The following ZNF385B variants were observed in gnomAD, a reference collection of about 807,000 sequenced individuals.
The protein encoded by ZNF385B is zinc finger protein 385B.
A neutral mutation model predicts 39.2 loss-of-function variants in ZNF385B; 23 were observed. That is an observed-to-expected ratio of 0.59 (90% CI 0.42 to 0.83). The LOEUF is 0.83. Among genes scored for constraint, ZNF385B ranks in the 40% least tolerant of loss-of-function variants. The pLI is 0.00. For missense variants in ZNF385B, 552 were observed against 598.9 expected (o/e 0.92, Z 0.82); for synonymous variants, 205 against 222.6 (o/e 0.92, Z 0.70).
chr2:179,711,019 C>T lies in ZNF385B; in HGVS notation c.298+58484G>A, dbSNP rs73976341. On this transcript the variant is annotated intron_variant, in intron 3 of 9. Coordinates refer to ENST00000410066, the MANE Select transcript of ZNF385B (RefSeq NM_152520.6). ...TGGAAGCAAGTTAATGTTACCCCCA[C>T]TGTGGGGTAGGCTGTACATGATGGG... 1.9e-3 allele frequency among the ~76,000 whole-genome samples: 282 copies of T among 152,336 alleles called. 2 individuals are homozygous for T. The highest frequency in any genetic ancestry group is 6.6e-3 in the African/African-American group (275 of 41,570).
chr2:179,778,376 T>C (rs1328248459), intron 1 of ZNF385B, among the ~76,000 whole-genome samples: 1 of 152,108 alleles, frequency 6.6e-6, no homozygotes, highest in African/African-American at 2.4e-5. Context: ...CCATAAACAC[T>C]TTTCTAAGAG....
At chr2:179,848,285 ATT>A (rs1708902910) in intron 1 of ZNF385B, among the ~76,000 whole-genome samples, 1 of 152,144 alleles carries the variant, frequency 6.6e-6, no homozygotes, top group Non-Finnish European at 1.5e-5. Context: ...TAATAATCTA[ATT>A]TGGTGAGATA....
chr2:179,609,412 T>C (rs899075976), intron 3 of ZNF385B, among the ~76,000 whole-genome samples: 1 of 152,238 alleles, frequency 6.6e-6, no homozygotes, highest in Non-Finnish European at 1.5e-5. Context: ...CATTCTTTTC[T>C]ATGACTGATT....
At chr2:179,715,832 ATAAAG>A (rs1217402070) in intron 3 of ZNF385B, among the ~76,000 whole-genome samples, 1 of 152,160 alleles carries the variant, frequency 6.6e-6, no homozygotes, top group Non-Finnish European at 1.5e-5. Context: ...TTTACCCATC[ATAAAG>A]TAATGATAAA....
chr2:179,706,699 C>A (rs989515516), intron 3 of ZNF385B, among the ~76,000 whole-genome samples: 6 of 152,172 alleles, frequency 3.9e-5, no homozygotes, highest in Non-Finnish European at 8.8e-5. Flanking sequence ...GGGTCAGATG[C>A]CTGAGTAGTG....
intron 3 of ZNF385B, among the ~76,000 whole-genome samples, chr2:179,683,895 G>C (rs1559086051): frequency 1.3e-5 from 2 of 152,136 alleles, no homozygotes; most frequent in African/African-American, 2.4e-5. Context: ...TGAACAAACT[G>C]TGCTAAGGGC....
chr2:179,693,959 TCAGAG>T (rs1559097681), intron 3 of ZNF385B, among the ~76,000 whole-genome samples: 1 of 152,172 alleles, frequency 6.6e-6, no homozygotes, highest in Non-Finnish European at 1.5e-5. Flanking sequence ...TTTCTTACAA[TCAGAG>T]CAATGTCATC....
intron 5 of ZNF385B, among the ~76,000 whole-genome samples, chr2:179,490,075 T>C (rs1378097135): frequency 6.6e-6 from 1 of 152,212 alleles, no homozygotes; most frequent in African/African-American, 2.4e-5. Context: ...GTTGTACCTA[T>C]GACATTCTAT....
At chr2:179,859,029 C>T (rs1472698657) in intron 1 of ZNF385B, among the ~76,000 whole-genome samples, 2 of 151,614 alleles carry the variant, frequency 1.3e-5, no homozygotes, top group Non-Finnish European at 2.9e-5. Context: ...AGGCATTTCA[C>T]CTTTCAGAAT....
intron 3 of ZNF385B, among the ~76,000 whole-genome samples, chr2:179,623,849 T>C (rs1445385997): frequency 1.3e-5 from 2 of 152,204 alleles, no homozygotes; most frequent in Non-Finnish European, 2.9e-5. Context: ...GGCTAACAAC[T>C]AAACCTTCTG....
At chr2:179,625,592 CAGTT>C (rs1245214127) in intron 3 of ZNF385B, among the ~76,000 whole-genome samples, 1 of 151,912 alleles carries the variant, frequency 6.6e-6, no homozygotes, top group Non-Finnish European at 1.5e-5. Flanking sequence ...TAACAATAAT[CAGTT>C]AGTAAGTATA....
rs1345214980 is a variant in ZNF385B, at chr2:179,719,263, T to G, written c.298+50240A>C. On this transcript the variant is annotated intron_variant, in intron 3 of 9. Coordinates refer to ENST00000410066, the MANE Select transcript of ZNF385B (RefSeq NM_152520.6). ...ACCTATTTAAGATGACCATTCCTAT[T>G]GCATGAGCCGACCAAGCTGGAGAGG... Among the ~76,000 whole-genome samples, 6 of 152,284 alleles carry G rather than the reference T, an allele frequency of 3.9e-5. No homozygotes were observed. In the East Asian group the frequency reaches 1.2e-3, roughly 29 times the overall value.
intron 3 of ZNF385B, among the ~76,000 whole-genome samples, chr2:179,641,224 A>G (rs1265358642): frequency 6.6e-6 from 1 of 152,002 alleles, no homozygotes; most frequent in Non-Finnish European, 1.5e-5. Context: ...TATAGTCTTC[A>G]ATCATATTCC....
chr2:179,808,985 C>T (rs1182973772), intron 1 of ZNF385B, among the ~76,000 whole-genome samples: 5 of 152,164 alleles, frequency 3.3e-5, no homozygotes, highest in Non-Finnish European at 5.9e-5. Flanking sequence ...TCTTTAACTA[C>T]CATTTAATAG....
chr2:179,659,726 T>G (rs1348799896), intron 3 of ZNF385B, among the ~76,000 whole-genome samples: 1 of 152,104 alleles, frequency 6.6e-6, no homozygotes, highest in Admixed American at 6.5e-5. Context: ...CATATAGACG[T>G]CCAAAATATT....
chr2:179,809,170 C>T lies in ZNF385B; in HGVS notation c.-154-38498G>A, dbSNP rs114178421. ...CATGTATTAGTTTACTGGCCCCTTACTCTGTTCATTTATATTACACCATCT... is the reference window on the plus strand; with the variant it reads ...CATGTATTAGTTTACTGGCCCCTTATTCTGTTCATTTATATTACACCATCT... On this transcript the variant is annotated intron_variant, in intron 1 of 9. Transcript: ENST00000410066. Among the ~76,000 whole-genome samples the T allele has an allele frequency of 6.6e-3, 1,002 of 152,288 alleles. 12 individuals carry two copies. The highest frequency in any genetic ancestry group is 0.023 in the African/African-American group (960 of 41,574).
At chr2:179,769,878 T>C (rs993697765) in intron 2 of ZNF385B, 76 bp from the exon 3 acceptor site, 2 of 1,409,348 alleles carry the variant, frequency 1.4e-6, no homozygotes, top group East Asian at 2.3e-5. Flanking sequence ...AATTAATCTT[T>C]AAGGGTTTGT....
chr2:179,573,396 C>G (rs1685450844), intron 3 of ZNF385B, among the ~76,000 whole-genome samples: 2 of 151,684 alleles, frequency 1.3e-5, no homozygotes, highest in Non-Finnish European at 2.9e-5. Flanking sequence ...AACTGATATG[C>G]TAACAATACT....
intron 3 of ZNF385B, among the ~76,000 whole-genome samples, chr2:179,692,319 A>C (rs1037398004): frequency 6.6e-6 from 1 of 152,092 alleles, no homozygotes; most frequent in East Asian, 1.9e-4. Flanking sequence ...CTGCCTCAAG[A>C]GACATTTAAG....
Sources: gnomAD v4.1 joint callset for allele counts (sites outside exome capture counted in the v4.1 genomes callset) on GRCh38, gnomAD v4.1.1 for gene constraint, MANE v1.5 for transcripts, NCBI Gene and HGNC (gene_info 2026-07-23, HGNC 2026-07-21) for gene names.